The following PUM2 variants were observed in gnomAD, a reference collection of about 807,000 sequenced individuals.
PUM2 encodes the protein pumilio RNA binding family member 2, also known as pumilio homolog 2.
In PUM2, 57 loss-of-function variants were observed where a neutral mutation model predicts 124.5. The observed-to-expected ratio is 0.46, with a 90% CI of 0.37 to 0.57. The LOEUF (loss-of-function observed/expected upper bound fraction) is 0.57. Ranked by LOEUF, PUM2 falls within the 20% of genes least tolerant of loss-of-function variation. The pLI, the probability that PUM2 is intolerant of heterozygous loss-of-function variation, is 0.00. For missense variants in PUM2, 1,065 were observed against 1,290.6 expected, an observed-to-expected ratio of 0.83 and a Z score of 2.68; for synonymous variants, 460 against 446.1, an observed-to-expected ratio of 1.03 and a Z score of -0.39.
At chr2:20,349,406 T>A (rs993362705) in intron 1 of PUM2, among the ~76,000 whole-genome samples, 1 of 152,188 alleles carries the variant, frequency 6.6e-6, no homozygotes, top group Non-Finnish European at 1.5e-5. Flanking sequence ...TTAAAGAAAT[T>A]CTTGCAGCAC....
chr2:20,350,425 T>C (rs915731918), intron 1 of PUM2, 172 bp downstream of exon 1: 2 of 850,860 alleles, frequency 2.4e-6, no homozygotes, highest in Non-Finnish European at 1.4e-6. Flanking sequence ...CCGGCACCCC[T>C]CCCCCTGCAT....
chr2:20,276,004 T>C (rs1353046302), intron 13 of PUM2, among the ~76,000 whole-genome samples: 2 of 150,548 alleles, frequency 1.3e-5, no homozygotes, highest in East Asian at 4.0e-4. Context: ...TATACTGTAG[T>C]TATTGTTTTG....
chr2:20,309,431 A>G (rs1003222631), intron 5 of PUM2, among the ~76,000 whole-genome samples: 5 of 143,912 alleles, frequency 3.5e-5, no homozygotes, highest in African/African-American at 1.3e-4. Flanking sequence ...TTCTACATTA[A>G]AAAAAAAAAA....
intron 10 of PUM2, among the ~76,000 whole-genome samples, chr2:20,285,408 C>G (rs1222885725): frequency 2.0e-5 from 3 of 152,180 alleles, no homozygotes; most frequent in African/African-American, 7.2e-5. Context: ...AAATGAAAAG[C>G]AAAGCTCTGA....
chr2:20,279,866 C>T (rs1047948555), intron 12 of PUM2, among the ~76,000 whole-genome samples: 3 of 152,106 alleles, frequency 2.0e-5, no homozygotes, highest in Non-Finnish European at 2.9e-5. Flanking sequence ...TATTCAAGTA[C>T]GTTTCCTTCC....
intron 8 of PUM2, 80 bp downstream of exon 8, chr2:20,297,473 A>G: frequency 7.9e-7 from 1 of 1,269,564 alleles, no homozygotes; most frequent in African/African-American, 1.5e-5. Context: ...AATTGCCCAA[A>G]TAGAGAAAAA....
At chr2:20,309,407 CAAG>C (rs34148783) in intron 5 of PUM2, among the ~76,000 whole-genome samples, 24,166 of 149,590 alleles carry the variant, frequency 0.16, 2,054 homozygotes, top group East Asian at 0.24. Context: ...GTATACACAG[CAAG>C]AAAAGGATCT....
At chr2:20,343,654 C>G (rs1687655341) in intron 1 of PUM2, among the ~76,000 whole-genome samples, 2 of 152,132 alleles carry the variant, frequency 1.3e-5, no homozygotes, top group African/African-American at 2.4e-5. Context: ...ATAATCCCAG[C>G]ACTTTAGGAG....
chr2:20,349,845 A>C (rs1688960800), intron 1 of PUM2, among the ~76,000 whole-genome samples: 1 of 152,216 alleles, frequency 6.6e-6, no homozygotes, highest in Admixed American at 6.5e-5. Flanking sequence ...CCTCTCTTCA[A>C]AAGTTTACGT....
chr2:20,251,997 T>C (rs1481337587), intron 20 of PUM2, among the ~76,000 whole-genome samples: 1 of 152,064 alleles, frequency 6.6e-6, no homozygotes, highest in Non-Finnish European at 1.5e-5. Context: ...TAATTCCACA[T>C]CCAGGAATTT....
intron 1 of PUM2, among the ~76,000 whole-genome samples, chr2:20,342,400 C>G (rs1687404483): frequency 6.6e-6 from 1 of 152,172 alleles, no homozygotes; most frequent in Admixed American, 6.5e-5. Flanking sequence ...AGTACATGTT[C>G]AATCTTTCCT....
In PUM2 at chr2:20,259,633, A is replaced by G. The variant is rs563527450; in HGVS notation, c.2355+704T>C. 1.1e-4 allele frequency among the ~76,000 whole-genome samples: 17 copies of G among 152,328 alleles called. 1 individual carries two copies. In the South Asian group the frequency reaches 3.5e-3, roughly 32 times the overall value. On this transcript the variant is annotated intron_variant, in intron 15 of 20. Transcript: ENST00000361078. Reference sequence around the variant, plus strand: ...GAACGTCATTCCTTTTTATGGCTGAATAATATTCTATAATGTATACATATA... The same window carrying G: ...GAACGTCATTCCTTTTTATGGCTGAGTAATATTCTATAATGTATACATATA...
chr2:20,315,742 T>G (rs1038664112), intron 3 of PUM2, among the ~76,000 whole-genome samples: 20 of 150,572 alleles, frequency 1.3e-4, no homozygotes, highest in Non-Finnish European at 2.2e-4. Context: ...AGGTGGATTG[T>G]TTGAGCTCAG....
At chr2:20,255,418 T>G (rs1664542010) in intron 17 of PUM2, 77 bp from the exon 18 acceptor site, 14 of 1,373,092 alleles carry the variant, frequency 1.0e-5, no homozygotes, top group South Asian at 1.4e-5. Context: ...CTGGTTTGTT[T>G]TTTTTTTTTT....
intron 10 of PUM2, among the ~76,000 whole-genome samples, chr2:20,288,546 G>A (rs1407355417): frequency 6.6e-6 from 1 of 152,158 alleles, no homozygotes; most frequent in African/African-American, 2.4e-5. Context: ...CAGTGGGGTT[G>A]AAAGGAAGGA....
intron 5 of PUM2, among the ~76,000 whole-genome samples, chr2:20,310,424 G>A (rs1679346151): frequency 6.6e-6 from 1 of 151,982 alleles, no homozygotes; most frequent in Non-Finnish European, 1.5e-5. Flanking sequence ...AGTTAATGGT[G>A]TATTAACACT....
chr2:20,282,427 G>A (rs931800269), intron 12 of PUM2, among the ~76,000 whole-genome samples: 1 of 152,150 alleles, frequency 6.6e-6, no homozygotes, highest in East Asian at 1.9e-4. Flanking sequence ...GCTTCTTAGG[G>A]GATTCTGTGT....
At chr2:20,274,045 T>A (rs779171616) in intron 13 of PUM2, among the ~76,000 whole-genome samples, 2 of 152,170 alleles carry the variant, frequency 1.3e-5, no homozygotes, top group Non-Finnish European at 2.9e-5. Context: ...AAACGAAGAA[T>A]AGTATCACGA....
intron 20 of PUM2, 133 bp downstream of exon 20, chr2:20,253,689 G>T: frequency 1.2e-6 from 1 of 845,296 alleles, no homozygotes. Context: ...CAATATATCT[G>T]CCAAAGGATA....
Sources: gnomAD v4.1 joint callset for allele counts (sites outside exome capture counted in the v4.1 genomes callset) on GRCh38, gnomAD v4.1.1 for gene constraint, MANE v1.5 for transcripts, NCBI Gene and HGNC (gene_info 2026-07-23, HGNC 2026-07-21) for gene names.